The following NOC4L variants were observed in gnomAD, a reference collection of about 807,000 sequenced individuals.
NOC4L encodes nucleolar complex protein 4 homolog.
In NOC4L, 40 loss-of-function variants were observed where a neutral mutation model predicts 62.8. The ratio of observed to expected loss-of-function variants is 0.64; its 90% CI spans 0.49 to 0.83. The LOEUF is 0.83. Among genes scored for constraint, NOC4L ranks in the 40% least tolerant of loss-of-function variants. NOC4L has a pLI of 0.00. For missense variants in NOC4L, 927 were observed against 701.9 expected, an observed-to-expected ratio of 1.32 and a Z score of -3.62; for synonymous variants, 433 against 299.8, an observed-to-expected ratio of 1.44 and a Z score of -4.59.
rs776828332 is a variant in NOC4L at position 132,147,702 on chromosome 12, C to G, written c.523C>G (p.Leu175Val). The change falls in exon 5 of 15, where the codon CTG becomes GTG. Residue 175 changes from leucine (L) to valine (V), a missense_variant. By Grantham distance (32) the Leu-to-Val change is conservative. Coordinates refer to ENST00000330579, the MANE Select transcript of NOC4L (RefSeq NM_024078.3). ...GCTCCTGTCCCAGTTCCGGGAGTAC[C>G]TGGACTACGACGACACCCGCTACCA... ...SLLLSQFREY[L>V]DYDDTRYHTM... 4 of 1,612,800 alleles carry G rather than the reference C, an allele frequency of 2.5e-6. No individual in the cohort carries two copies. The highest frequency in any genetic ancestry group is 2.7e-5 in the African/African-American group (2 of 74,926).
Position 132,148,646 on chromosome 12 carries a change from T to G in NOC4L, c.776T>G (p.Phe259Cys), listed in dbSNP as rs1358826921. 7.1e-7 allele frequency: 1 copy of G among 1,405,968 alleles called. No homozygotes were observed. The highest frequency in any genetic ancestry group is 2.8e-5 in the East Asian group (1 of 35,184). The allele number at this position is 1,405,968 out of a possible 1,614,324, so 87.1% of individuals were successfully genotyped here. The change falls in exon 8 of 15, where the codon TTC becomes TGC. Residue 259 changes from phenylalanine (F) to cysteine (C), a missense_variant. Transcript: ENST00000330579. ...GTTTTCCAGGCCATGTGGCTCAGCT[T>G]CCTCAAGCACAAGGTAGGGGCCAGG... ...RRVFQAMWLS[F>C]LKHKLPLSLY...
chr12:132,148,725 CCCGA>C, intron 8 of NOC4L, 55 bp from the exon 9 acceptor site: 5 of 1,406,816 alleles, frequency 3.6e-6, no homozygotes, highest in East Asian at 2.6e-5. Context: ...GAGGCCTCAC[CCCGA>C]CCCGCCGGCC....
At chr12:132,146,986 G>A (rs1897749554) in intron 3 of NOC4L, among the ~76,000 whole-genome samples, 1 of 152,198 alleles carries the variant, frequency 6.6e-6, no homozygotes, top group Admixed American at 6.5e-5. Flanking sequence ...CCGTGACACA[G>A]GTGACGAGAG....
chr12:132,151,253 C>T lies in NOC4L; in HGVS notation c.963-5C>T, dbSNP rs368424822. 28 of 1,609,260 alleles carry T rather than the reference C, an allele frequency of 1.7e-5. No homozygotes were observed. The highest frequency in any genetic ancestry group is 2.3e-5 in the Non-Finnish European group (27 of 1,178,116). ...CATCCGCTGCTCCTTCCCCCCGGCC[C>T]GCAGGGAGTACCCTGACTTCTACCG... On this transcript the variant is annotated splice_polypyrimidine_tract_variant and splice_region_variant and intron_variant, in intron 10 of 14. Coordinates refer to ENST00000330579, the MANE Select transcript of NOC4L (RefSeq NM_024078.3).
chr12:132,150,994 C>T lies in NOC4L; in HGVS notation c.915C>T (p.Ser305=), dbSNP rs775316842. The T allele has an allele frequency of 4.5e-5, 73 of 1,609,970 alleles. No homozygotes were observed. The highest frequency in any genetic ancestry group is 5.6e-5 in the Non-Finnish European group (66 of 1,178,576). The change falls in exon 10 of 15, where the codon AGC becomes AGT. Residue 305 remains serine, a synonymous_variant. Coordinates refer to ENST00000330579, the MANE Select transcript of NOC4L (RefSeq NM_024078.3). ...GTCTGTCTGCAGGGGGGGCCCTCAG[C>T]CTCTTGGCCTTGAACGGGCTGTTCA... ...TRACDLGGAL[S]LLALNGLFIL...
intron 9 of NOC4L, 21 bp from the exon 10 acceptor site, chr12:132,150,960 C>T: frequency 6.3e-7 from 1 of 1,591,138 alleles, no homozygotes; most frequent in Non-Finnish European, 8.6e-7. Context: ...GCAGCTCCAG[C>T]CTGTGTCTGT....
rs753282954 is a variant in NOC4L, at chr12:132,148,873, C to T, written c.879C>T (p.Phe293=). 3 of 1,598,082 alleles carry T rather than the reference C, an allele frequency of 1.9e-6. No individual in the cohort carries two copies. Among genetic ancestry groups the T allele is most frequent in the East Asian group, 2.2e-5 (1 of 44,720 alleles). The change falls in exon 9 of 15, where the codon TTC becomes TTT. Residue 293 remains phenylalanine, a synonymous_variant. Transcript: ENST00000330579. ...QLAQPTLMID[F]LTRACDLGGA... ...CGCAGCCCACGCTCATGATCGACTT[C>T]CTCACCCGCGCCTGCGACCTCGGTG...
chr12:132,145,549 C>T lies in NOC4L; in HGVS notation c.239-10C>T. Reference sequence around the variant, plus strand: ...CCTCACGTGGGCTGACCACCCTAACCTGTCTGCAGGGTCCCAGGGAGCCAC... The same window carrying T: ...CCTCACGTGGGCTGACCACCCTAACTTGTCTGCAGGGTCCCAGGGAGCCAC... On this transcript the variant is annotated splice_polypyrimidine_tract_variant and intron_variant, in intron 2 of 14. Coordinates refer to ENST00000330579, the MANE Select transcript of NOC4L (RefSeq NM_024078.3). 2 of 1,601,902 alleles carry T rather than the reference C, an allele frequency of 1.2e-6. No homozygotes were observed. Among genetic ancestry groups the T allele is most frequent in the South Asian group, 1.1e-5 (1 of 90,466 alleles).
At chr12:132,144,636 C>T (rs1005643872) in intron 1 of NOC4L, 31 bp downstream of exon 1, 10 of 1,474,754 alleles carry the variant, frequency 6.8e-6, no homozygotes, top group South Asian at 2.7e-5. Context: ...GGGCCGGAGT[C>T]GCGGCACGGG....
Position 132,148,790 on chromosome 12 carries a change from C to T in NOC4L, c.796C>T (p.Leu266Phe). ...WLSFLKHKLP[L>F]SLYKKVLLIV... The stretch of plus-strand genomic sequence containing the variant: ...CCTGCCGGCCCCCGCCCAGCTGCCC[C>T]TCAGCCTCTACAAGAAGGTGCTGCT... The change falls in exon 9 of 15, where the codon CTC (leucine) becomes TTC (phenylalanine). Residue 266 changes from leucine to phenylalanine, a missense_variant. By Grantham distance (22) the Leu-to-Phe change is conservative. Transcript: ENST00000330579. The T allele has an allele frequency of 1.9e-6, 3 of 1,585,470 alleles. No homozygotes were observed. The highest frequency in any genetic ancestry group is 1.7e-6 in the Non-Finnish European group (2 of 1,167,774).
At position 132,151,787 on chromosome 12, in the gene NOC4L, C is replaced by A; in HGVS notation, c.1284C>A (p.Ser428Arg). The A allele has an allele frequency of 1.2e-6, 2 of 1,612,346 alleles. No individual in the cohort carries two copies. Among genetic ancestry groups the A allele is most frequent in the Non-Finnish European group, 8.5e-7 (1 of 1,179,804 alleles). Residue 428 changes from serine to arginine, a missense_variant, in exon 13 of 15, where the codon AGC (serine) becomes AGA (arginine). By Grantham distance (110) the Ser-to-Arg change is moderately radical (BLOSUM62 -1). Transcript: ENST00000330579. Reference protein sequence around the residue: ...YDPGEEDPAQSRALESSLWEL... With the variant: ...YDPGEEDPAQRRALESSLWEL... ...CTGGAGAGGAGGACCCAGCCCAGAG[C>A]CGGGCCTTGGAGAGCTCCCTGTGGG...
At chr12:132,146,120 A>G (rs1897711161) in intron 3 of NOC4L, 2 of 401,568 alleles carry the variant, frequency 5.0e-6, no homozygotes, top group Non-Finnish European at 1.0e-5. Context: ...TATCGCCCCG[A>G]AAAGAAATCC....
intron 13 of NOC4L, 114 bp from the exon 14 acceptor site, chr12:132,151,970 C>G (rs1308977387): frequency 3.2e-6 from 4 of 1,250,384 alleles, no homozygotes; most frequent in African/African-American, 1.5e-5. Context: ...TTGGCCTTCT[C>G]ACGTGGCTCC....
intron 3 of NOC4L, among the ~76,000 whole-genome samples, chr12:132,146,896 G>A (rs1331118234): frequency 6.6e-6 from 1 of 152,128 alleles, no homozygotes; most frequent in African/African-American, 2.4e-5. Context: ...GAGCTTCCAA[G>A]CCTGGGTCTG....
chr12:132,151,063 GGTCTTCTTCCCA>G (rs1897919497), intron 10 of NOC4L, 22 bp downstream of exon 10: 1 of 1,602,960 alleles, frequency 6.2e-7, no homozygotes, highest in Middle Eastern at 1.7e-4. Flanking sequence ...CAGGGGTGCA[GGTCTTCTTCCCA>G]GTCTGCCCAG....
In NOC4L at chr12:132,147,934, C is replaced by A. The variant is rs771339553; in HGVS notation, c.658C>A (p.Pro220Thr). Residue 220 changes from proline (P) to threonine (T), a missense_variant, in exon 6 of 15, where the codon CCC becomes ACC. Transcript: ENST00000330579. ...CACGCTGCTGTCTGCCGTGAGCCTG[C>A]CCCGCCGGGAGCCCACCGTCTCCAG... Reference protein sequence around the residue: ...AFTLLSAVSLPRREPTVSSFY... With the variant: ...AFTLLSAVSLTRREPTVSSFY... The A allele has an allele frequency of 6.2e-7, 1 of 1,605,844 alleles. No individual in the cohort carries two copies. The highest frequency in any genetic ancestry group is 1.3e-5 in the African/African-American group (1 of 74,784).
In NOC4L at chr12:132,151,514, C is replaced by T. The variant is rs368698447; in HGVS notation, c.1104C>T (p.Phe368=). 2,491 of 1,606,006 alleles carry T rather than the reference C, an allele frequency of 1.6e-3. 55 individuals are homozygous for T. The South Asian group carries it at 0.025, about 16-fold the overall frequency. ...TCCCCGCCTACCTGGTGGCCGCCTT[C>T]GCCAAGCGGCTGGCCCGCCTGGCCC... ...SHLPAYLVAA[F]AKRLARLALT... The change falls in exon 12 of 15, where the codon TTC becomes TTT. Residue 368 remains phenylalanine (F), a synonymous_variant. Coordinates refer to ENST00000330579, the MANE Select transcript of NOC4L (RefSeq NM_024078.3).
At chr12:132,148,513 T>C (rs1029992805) in intron 7 of NOC4L, 96 bp from the exon 8 acceptor site, 6 of 1,339,246 alleles carry the variant, frequency 4.5e-6, no homozygotes, top group African/African-American at 1.4e-5. Flanking sequence ...AGCAGGCTTG[T>C]GTTGGCTCAG....
Position 132,151,481 on chromosome 12 carries a change from C to T in NOC4L, c.1074-3C>T. On this transcript the variant is annotated splice_region_variant and splice_polypyrimidine_tract_variant and intron_variant, in intron 11 of 14. Transcript: ENST00000330579. ...CCTGTCTCACAACCACTGCCCTGCC[C>T]AGCCACCTCCCCGCCTACCTGGTGG... is the stretch of plus-strand genomic sequence containing the variant. 2 of 1,601,324 alleles carry T rather than the reference C, an allele frequency of 1.2e-6. No homozygotes were observed. The highest frequency in any genetic ancestry group is 2.2e-5 in the East Asian group (1 of 44,836).
Sources: gnomAD v4.1 joint callset for allele counts (sites outside exome capture counted in the v4.1 genomes callset) on GRCh38, gnomAD v4.1.1 for gene constraint, MANE v1.5 for transcripts, NCBI Gene and HGNC (gene_info 2026-07-23, HGNC 2026-07-21) for gene names.